Variants in PEAK1 observed in about 807,000 individuals in gnomAD.
The protein encoded by PEAK1 is inactive tyrosine-protein kinase PEAK1.
In PEAK1, 54 loss-of-function variants were observed where a neutral mutation model predicts 124.7. The observed-to-expected ratio is 0.43, with a 90% CI of 0.35 to 0.54. PEAK1 has a LOEUF of 0.54. Ranked by LOEUF, PEAK1 falls within the 20% of genes least tolerant of loss-of-function variation. The pLI, the probability that PEAK1 is intolerant of heterozygous loss-of-function variation, is 0.01. For synonymous variants in PEAK1, 719 were observed against 760.0 expected, an observed-to-expected ratio of 0.95 and a Z score of 0.89; for missense variants, 2,046 against 2,134.5, an observed-to-expected ratio of 0.96 and a Z score of 0.82.
chr15:77,175,989 A>C (rs1471125990), intron 7 of PEAK1, among the ~76,000 whole-genome samples: 3 of 152,160 alleles, frequency 2.0e-5, no homozygotes, highest in Non-Finnish European at 2.9e-5. Flanking sequence ...CATTCTCAGT[A>C]AACTATCGCA....
intron 2 of PEAK1, among the ~76,000 whole-genome samples, chr15:77,359,907 T>G (rs1246395893): frequency 2.6e-5 from 4 of 152,210 alleles, no homozygotes; most frequent in South Asian, 2.1e-4. Flanking sequence ...TGGATTTTTT[T>G]GTAAAAATTG....
intron 2 of PEAK1, among the ~76,000 whole-genome samples, chr15:77,288,845 C>T (rs941652649): frequency 6.7e-6 from 1 of 148,848 alleles, no homozygotes; most frequent in African/African-American, 2.5e-5. Flanking sequence ...AGGAGAATGG[C>T]GTGAAACCAG....
chr15:77,217,747 C>T lies in PEAK1; in HGVS notation c.-115+34620G>A, dbSNP rs572456871. On this transcript the variant is annotated intron_variant, in intron 6 of 9. Coordinates refer to ENST00000682557, the MANE Select transcript of PEAK1 (RefSeq NM_001385026.1). ...ATAGACTAAATGGCTGATATCACTG[C>T]TTATAAAAGTGTTTTGAACTGGATG... Among the ~76,000 whole-genome samples the T allele has an allele frequency of 4.5e-4, 68 of 152,250 alleles. No individual in the cohort carries two copies. In the Middle Eastern group the frequency reaches 0.017, roughly 38 times the overall value.
intron 8 of PEAK1, among the ~76,000 whole-genome samples, chr15:77,151,020 A>G (rs1208237917): frequency 3.3e-5 from 5 of 152,106 alleles, no homozygotes; most frequent in African/African-American, 1.2e-4. Flanking sequence ...TCCTTTGGGT[A>G]TATACCCAGT....
At chr15:77,118,431 A>C (rs557620547) in intron 9 of PEAK1, among the ~76,000 whole-genome samples, 1 of 152,182 alleles carries the variant, frequency 6.6e-6, no homozygotes, top group East Asian at 1.9e-4. Context: ...TTAAAAAAAA[A>C]ACCTCAAAAT....
Position 77,271,001 on chromosome 15 carries a change from G to A in PEAK1, c.-275+12882C>T, listed in dbSNP as rs111266145. 5.1e-3 allele frequency among the ~76,000 whole-genome samples: 771 copies of A among 152,194 alleles called. 10 individuals carry two copies. The highest frequency in any genetic ancestry group is 0.017 in the African/African-American group (698 of 41,532). On this transcript the variant is annotated intron_variant, in intron 5 of 9. Transcript: ENST00000682557. ...CATCAGAGTGAACAGGCAACCTACA[G>A]AATGGGAGAAAATTTTTGCATTCTA...
At chr15:77,123,718 G>T (rs774946908) in intron 9 of PEAK1, among the ~76,000 whole-genome samples, 3 of 152,184 alleles carry the variant, frequency 2.0e-5, no homozygotes, top group Non-Finnish European at 2.9e-5. Context: ...TTCTTTGAAA[G>T]GGAAAAAGCA....
intron 7 of PEAK1, among the ~76,000 whole-genome samples, chr15:77,170,930 T>C (rs545116341): frequency 5.9e-4 from 90 of 152,232 alleles, no homozygotes; most frequent in African/African-American, 2.0e-3. Context: ...AAAATGATAG[T>C]TGAGAAATTC....
intron 6 of PEAK1, among the ~76,000 whole-genome samples, chr15:77,206,586 A>G (rs1423699189): frequency 6.6e-6 from 1 of 151,684 alleles, no homozygotes; most frequent in Non-Finnish European, 1.5e-5. Context: ...AGTGATGATG[A>G]GCATTTTTTC....
In PEAK1 at chr15:77,113,953, T is replaced by C; in HGVS notation, c.*203A>G. Reference sequence around the variant, plus strand: ...GCAACTGCAAGTTTGTGCAGCTGAATTTCTGTAAAGTTAAGACAGACTCAG... The same window carrying C: ...GCAACTGCAAGTTTGTGCAGCTGAACTTCTGTAAAGTTAAGACAGACTCAG... On this transcript the variant is annotated 3_prime_UTR_variant, in exon 10 of 10. Coordinates refer to ENST00000682557, the MANE Select transcript of PEAK1 (RefSeq NM_001385026.1). 1 of 580,648 alleles carries C rather than the reference T, an allele frequency of 1.7e-6. No individual in the cohort carries two copies. The highest frequency in any genetic ancestry group is 3.0e-6 in the Non-Finnish European group (1 of 334,726). 36.0% of individuals were successfully genotyped at this position (580,648 alleles called of 1,614,324 possible).
At chr15:77,251,366 C>G (rs530255402) in intron 6 of PEAK1, among the ~76,000 whole-genome samples, 36 of 152,240 alleles carry the variant, frequency 2.4e-4, no homozygotes, top group African/African-American at 8.7e-4. Flanking sequence ...CAAAATTTCC[C>G]TCTCCTTTAC....
At chr15:77,165,012 TC>T (rs2055975258) in intron 7 of PEAK1, among the ~76,000 whole-genome samples, 1 of 152,026 alleles carries the variant, frequency 6.6e-6, no homozygotes, top group Non-Finnish European at 1.5e-5. Context: ...CAAGAGATTT[TC>T]CTACCTCAGT....
At chr15:77,125,514 A>G (rs955161051) in intron 9 of PEAK1, among the ~76,000 whole-genome samples, 6 of 151,900 alleles carry the variant, frequency 3.9e-5, no homozygotes, top group South Asian at 2.1e-4. Flanking sequence ...GTGTGTGTGT[A>G]TATATATCAC....
chr15:77,184,121 G>A (rs1052194875), intron 6 of PEAK1, among the ~76,000 whole-genome samples: 3 of 151,964 alleles, frequency 2.0e-5, no homozygotes, highest in Non-Finnish European at 4.4e-5. Context: ...ATGAGACACT[G>A]TGCCCAGCCA....
intron 5 of PEAK1, among the ~76,000 whole-genome samples, chr15:77,268,149 C>G (rs1406424757): frequency 6.6e-6 from 1 of 152,108 alleles, no homozygotes; most frequent in African/African-American, 2.4e-5. Context: ...TTAACCCAAT[C>G]TGATAAAGAC....
At chr15:77,148,987 A>G (rs1305256229) in intron 8 of PEAK1, among the ~76,000 whole-genome samples, 1 of 152,166 alleles carries the variant, frequency 6.6e-6, no homozygotes, top group Non-Finnish European at 1.5e-5. Context: ...TTGGGGAGAA[A>G]TAAAGGAATT....
At chr15:77,229,640 C>CTTTCTTTT (rs2059819741) in intron 6 of PEAK1, among the ~76,000 whole-genome samples, 1 of 143,920 alleles carries the variant, frequency 6.9e-6, no homozygotes, top group Non-Finnish European at 1.6e-5. Flanking sequence ...CTGTTTCTTT[C>CTTTCTTTT]TTTTCTTTCT....
rs2051135421 is a variant in PEAK1 at position 77,114,006 on chromosome 15, A to G, written c.*150T>C. 1.3e-6 allele frequency: 1 copy of G among 781,466 alleles called. No homozygotes were observed. Among genetic ancestry groups the G allele is most frequent in the South Asian group, 1.8e-5 (1 of 54,934 alleles). The allele number at this position is 781,466 out of a possible 1,614,324, so 48.4% of individuals were successfully genotyped here. A position where few individuals can be genotyped will look rare whatever the true frequency, so the allele number is the denominator to read the frequency against. Reference sequence around the variant, plus strand: ...TCTCATTCAATCTGGGGCAGTGGATAACCTTTCTGAATAGACCCACTTGTT... The same window carrying G: ...TCTCATTCAATCTGGGGCAGTGGATGACCTTTCTGAATAGACCCACTTGTT... On this transcript the variant is annotated 3_prime_UTR_variant, in exon 10 of 10. Transcript: ENST00000682557.
intron 9 of PEAK1, among the ~76,000 whole-genome samples, chr15:77,120,611 G>T (rs2051825300): frequency 6.6e-6 from 1 of 152,022 alleles, no homozygotes; most frequent in Non-Finnish European, 1.5e-5. Context: ...CACTTGCCTG[G>T]ACAACCACAA....
Sources: allele counts gnomAD v4.1 joint callset (sites outside exome capture counted in the v4.1 genomes callset), GRCh38; gene constraint gnomAD v4.1.1; transcripts MANE v1.5; gene names NCBI Gene and HGNC (gene_info 2026-07-23, HGNC 2026-07-21).